The following RAD51B variants were observed in gnomAD, a reference collection of about 807,000 sequenced individuals.
RAD51B encodes the protein DNA repair protein RAD51 homolog 2.
Under a neutral mutation model 42.2 loss-of-function variants are expected in RAD51B, and 38 were observed. The ratio of observed to expected loss-of-function variants is 0.90; its 90% CI spans 0.70 to 1.18. RAD51B has a LOEUF of 1.18. Ranked by LOEUF, RAD51B falls within the 50% of genes most tolerant of loss-of-function variation. The pLI is 0.00. For missense variants in RAD51B, 373 were observed against 400.7 expected (o/e 0.93, Z 0.59); for synonymous variants, 154 against 145.2 (o/e 1.06, Z -0.43).
intron 7 of RAD51B, among the ~76,000 whole-genome samples, chr14:67,951,387 A>G (rs887736638): frequency 1.3e-5 from 2 of 152,174 alleles, no homozygotes; most frequent in Non-Finnish European, 2.9e-5. Context: ...TTAAATTTTT[A>G]TGAGCTTTTT....
intron 8 of RAD51B, among the ~76,000 whole-genome samples, chr14:68,363,312 T>C (rs1412677322): frequency 6.6e-6 from 1 of 152,192 alleles, no homozygotes; most frequent in Non-Finnish European, 1.5e-5. Context: ...AAAGTAATGG[T>C]TTGGTGAATT....
At chr14:68,051,635 G>A (rs1324459302) in intron 7 of RAD51B, among the ~76,000 whole-genome samples, 1 of 150,702 alleles carries the variant, frequency 6.6e-6, no homozygotes, top group Non-Finnish European at 1.5e-5. Flanking sequence ...TTGCTTTGTT[G>A]CCCAGGCTGG....
chr14:67,979,181 A>G (rs534219959), intron 7 of RAD51B, among the ~76,000 whole-genome samples: 2 of 152,354 alleles, frequency 1.3e-5, no homozygotes, highest in South Asian at 4.1e-4. Context: ...ACTGTTCAAG[A>G]TGAGTGTAGA....
chr14:68,108,433 G>A (rs1390443179), intron 7 of RAD51B, among the ~76,000 whole-genome samples: 1 of 152,012 alleles, frequency 6.6e-6, no homozygotes, highest in Admixed American at 6.6e-5. Flanking sequence ...ATATTATTTA[G>A]TAATGAAAGG....
intron 8 of RAD51B, among the ~76,000 whole-genome samples, chr14:68,405,824 A>G (rs1392703230): frequency 7.0e-6 from 1 of 142,372 alleles, no homozygotes; most frequent in African/African-American, 2.7e-5. Flanking sequence ...CCTACAGTTT[A>G]TCACCAAAAA....
At chr14:68,434,232 A>C (rs1018786601) in intron 9 of RAD51B, among the ~76,000 whole-genome samples, 3 of 152,190 alleles carry the variant, frequency 2.0e-5, no homozygotes, top group Non-Finnish European at 2.9e-5. Context: ...CTCAGATCTC[A>C]AACTCTGTGC....
intron 10 of RAD51B, among the ~76,000 whole-genome samples, chr14:68,542,895 T>G (rs962731691): frequency 6.6e-6 from 1 of 152,306 alleles, no homozygotes; most frequent in Admixed American, 6.5e-5. Context: ...TTCCCTGTCT[T>G]ATACCAAGGA....
intron 8 of RAD51B, among the ~76,000 whole-genome samples, chr14:68,355,329 T>C (rs1268317378): frequency 6.6e-6 from 1 of 152,226 alleles, no homozygotes; most frequent in African/African-American, 2.4e-5. Context: ...TTCACCTTAA[T>C]GTTACCTGGA....
intron 5 of RAD51B, among the ~76,000 whole-genome samples, chr14:67,869,619 C>CAAGACACATAATTGTCAGATTCACCA (rs1318354406): frequency 5.3e-5 from 8 of 152,134 alleles, no homozygotes; most frequent in African/African-American, 1.9e-4. Flanking sequence ...AGAGCAACTC[C>CAAGACACATAATTGTCAGATTCACCA]AAGACACATA....
chr14:67,954,993 A>T (rs986582706), intron 7 of RAD51B, among the ~76,000 whole-genome samples: 3 of 152,106 alleles, frequency 2.0e-5, no homozygotes, highest in African/African-American at 7.2e-5. Flanking sequence ...GAGAGGACAG[A>T]TGCTGAGGGA....
At chr14:67,894,592 G>A (rs1223106636) in intron 7 of RAD51B, among the ~76,000 whole-genome samples, 1 of 152,174 alleles carries the variant, frequency 6.6e-6, no homozygotes, top group African/African-American at 2.4e-5. Flanking sequence ...AATAAAATAA[G>A]TATCTTGTCT....
chr14:68,464,493 T>C (rs972029160), intron 9 of RAD51B, among the ~76,000 whole-genome samples: 1 of 152,256 alleles, frequency 6.6e-6, no homozygotes, highest in African/African-American at 2.4e-5. Context: ...CTGCTAGATT[T>C]CATATTTGTT....
chr14:68,436,043 T>C (rs193285973), intron 9 of RAD51B, among the ~76,000 whole-genome samples: 30 of 152,302 alleles, frequency 2.0e-4, no homozygotes, highest in African/African-American at 6.0e-4. Flanking sequence ...TGTTTGTCAA[T>C]TTTTGTTTTT....
chr14:68,054,266 G>A (rs1890097770), intron 7 of RAD51B, among the ~76,000 whole-genome samples: 1 of 152,010 alleles, frequency 6.6e-6, no homozygotes, highest in South Asian at 2.1e-4. Context: ...CTTTAGTCTG[G>A]AACAATTTAT....
At chr14:67,980,561 G>A (rs1189796271) in intron 7 of RAD51B, among the ~76,000 whole-genome samples, 1 of 152,218 alleles carries the variant, frequency 6.6e-6, no homozygotes, top group Non-Finnish European at 1.5e-5. Context: ...AGATCAGTGG[G>A]AAAGAATGGA....
intron 7 of RAD51B, among the ~76,000 whole-genome samples, chr14:68,237,329 T>G (rs2080280986): frequency 6.6e-6 from 1 of 152,200 alleles, no homozygotes; most frequent in African/African-American, 2.4e-5. Flanking sequence ...CAAATCTAGA[T>G]AGCCCAGAGC....
At chr14:68,640,457 G>A (rs950693667) in intron 10 of RAD51B, among the ~76,000 whole-genome samples, 3 of 152,204 alleles carry the variant, frequency 2.0e-5, no homozygotes, top group South Asian at 4.1e-4. Context: ...CCAGTACATA[G>A]TAATTCATGT....
chr14:68,352,464 C>T (rs915990907), intron 8 of RAD51B, among the ~76,000 whole-genome samples: 1 of 152,214 alleles, frequency 6.6e-6, no homozygotes, highest in Non-Finnish European at 1.5e-5. Flanking sequence ...CAAGAGTTCA[C>T]ATAAAAGGTG....
intron 7 of RAD51B, among the ~76,000 whole-genome samples, chr14:68,225,423 A>G (rs754621193): frequency 3.3e-5 from 5 of 152,222 alleles, no homozygotes; most frequent in Admixed American, 6.5e-5. Context: ...TAAATTTGCT[A>G]TGAAGAAGCT....
Sources: gnomAD v4.1 joint callset for allele counts (sites outside exome capture counted in the v4.1 genomes callset) on GRCh38, gnomAD v4.1.1 for gene constraint, MANE v1.5 for transcripts, NCBI Gene and HGNC (gene_info 2026-07-23, HGNC 2026-07-21) for gene names.